Variants in XIRP2 observed in about 807,000 individuals in gnomAD.
XIRP2 encodes the protein xin actin-binding repeat-containing protein 2.
A neutral mutation model predicts 277.0 loss-of-function variants in XIRP2; 236 were observed. That is an observed-to-expected ratio of 0.85 (90% confidence interval 0.77 to 0.95). XIRP2 has a LOEUF of 0.95. Among genes scored for constraint, XIRP2 ranks in the 40% least tolerant of loss-of-function variants. The probability of loss-of-function intolerance (pLI) is 0.00; values close to 1 mark genes in which losing one functional copy is unlikely to be tolerated. For synonymous variants in XIRP2, 1,490 were observed against 1,416.5 expected, an observed-to-expected ratio of 1.05 and a Z score of -1.17; for missense variants, 4,640 against 4,157.5, an observed-to-expected ratio of 1.12 and a Z score of -3.19.
chr2:167,144,078 ACTT>A (rs1034792270), intron 3 of XIRP2, among the ~76,000 whole-genome samples: 8 of 152,042 alleles, frequency 5.3e-5, no homozygotes, highest in African/African-American at 9.7e-5. Flanking sequence ...TTTAAACCTA[ACTT>A]CTTATTTCTT....
intron 3 of XIRP2, among the ~76,000 whole-genome samples, chr2:167,144,804 A>T (rs1436459148): frequency 6.6e-6 from 1 of 152,140 alleles, no homozygotes; most frequent in Non-Finnish European, 1.5e-5. Flanking sequence ...CAATTGCTTC[A>T]TAGTTATATT....
intron 3 of XIRP2, among the ~76,000 whole-genome samples, chr2:167,161,031 G>A (rs538393893): frequency 6.6e-6 from 1 of 152,294 alleles, no homozygotes; most frequent in South Asian, 2.1e-4. Context: ...AAATCCAGCA[G>A]GGCAGTCAAG....
At chr2:167,127,527 G>A (rs901823354) in intron 2 of XIRP2, among the ~76,000 whole-genome samples, 5 of 152,144 alleles carry the variant, frequency 3.3e-5, no homozygotes, top group Admixed American at 2.0e-4. Context: ...ATGCCTGAGA[G>A]GTTTGTTTCA....
rs116574757 is a variant in XIRP2 at position 167,167,017 on chromosome 2, T to A, written c.562+30955T>A. Among the ~76,000 whole-genome samples the A allele has an allele frequency of 1.0e-3, 152 of 152,332 alleles. 1 individual carries two copies. Among genetic ancestry groups the A allele is most frequent in the African/African-American group, 3.3e-3 (138 of 41,580 alleles). On this transcript the variant is annotated intron_variant, in intron 3 of 10. Coordinates refer to ENST00000409195, the MANE Select transcript of XIRP2 (RefSeq NM_152381.6). ...TTGTGCCTCTCATAGTTTGATGCTC[T>A]ATTTTTAAGTATATACACATTAAAT...
intron 2 of XIRP2, among the ~76,000 whole-genome samples, chr2:167,032,411 A>C (rs1688389271): frequency 6.6e-6 from 1 of 152,180 alleles, no homozygotes; most frequent in Non-Finnish European, 1.5e-5. Flanking sequence ...TGACTAAAAC[A>C]CCAAAAGCAA....
At chr2:167,151,599 C>A (rs1305188422) in intron 3 of XIRP2, among the ~76,000 whole-genome samples, 1 of 152,122 alleles carries the variant, frequency 6.6e-6, no homozygotes, top group African/African-American at 2.4e-5. Context: ...TCTATGAATT[C>A]CCAACTTTTA....
chr2:166,907,053 G>T (rs944768774), intron 2 of XIRP2, among the ~76,000 whole-genome samples: 5 of 152,208 alleles, frequency 3.3e-5, no homozygotes, highest in Middle Eastern at 6.8e-3. Context: ...AAATCAGTGA[G>T]AAATTCTTAA....
At chr2:166,960,455 A>G (rs1191782252) in intron 2 of XIRP2, among the ~76,000 whole-genome samples, 2 of 151,596 alleles carry the variant, frequency 1.3e-5, no homozygotes, top group Non-Finnish European at 3.0e-5. Flanking sequence ...CCTTTTTGCA[A>G]CCCTCTGCTT....
chr2:166,919,001 C>G (rs1262323756), intron 2 of XIRP2, among the ~76,000 whole-genome samples: 1 of 152,040 alleles, frequency 6.6e-6, no homozygotes, highest in African/African-American at 2.4e-5. Flanking sequence ...AAATACTTAA[C>G]GTAATGTGCA....
chr2:166,898,780 C>T (rs1286697081), intron 1 of XIRP2, among the ~76,000 whole-genome samples: 3 of 152,076 alleles, frequency 2.0e-5, no homozygotes, highest in Non-Finnish European at 2.9e-5. Flanking sequence ...CACCCCAACA[C>T]GTCCCATCCA....
intron 2 of XIRP2, among the ~76,000 whole-genome samples, chr2:166,940,159 T>G (rs554768764): frequency 4.7e-4 from 71 of 152,324 alleles, no homozygotes; most frequent in African/African-American, 1.5e-3. Context: ...TTATTCTTTT[T>G]TCTCTAAACT....
At chr2:167,201,237 A>AG (rs1559018274) in intron 3 of XIRP2, among the ~76,000 whole-genome samples, 18 of 111,256 alleles carry the variant, frequency 1.6e-4, no homozygotes, top group African/African-American at 7.3e-4. Flanking sequence ...AAAGAAAGAA[A>AG]GAAAGAAAGA....
At chr2:166,935,792 T>G (rs1685479928) in intron 2 of XIRP2, among the ~76,000 whole-genome samples, 1 of 152,230 alleles carries the variant, frequency 6.6e-6, no homozygotes. Context: ...TGTGCCACAT[T>G]TTATTAATCC....
chr2:167,139,334 T>C (rs536237507), intron 3 of XIRP2, among the ~76,000 whole-genome samples: 146 of 152,258 alleles, frequency 9.6e-4, no homozygotes, highest in African/African-American at 3.3e-3. Context: ...TTTTTTAATA[T>C]GACAATTGCC....
intron 3 of XIRP2, among the ~76,000 whole-genome samples, chr2:167,184,993 C>T (rs189837058): frequency 7.9e-5 from 12 of 152,234 alleles, no homozygotes; most frequent in Non-Finnish European, 1.3e-4. Context: ...ATCCATCCAT[C>T]TACCCGTCAT....
At chr2:167,030,493 G>T (rs1319410009) in intron 2 of XIRP2, among the ~76,000 whole-genome samples, 5 of 152,114 alleles carry the variant, frequency 3.3e-5, no homozygotes, top group African/African-American at 1.2e-4. Flanking sequence ...TTCAGGAGCA[G>T]GTTGTTCAGT....
chr2:166,997,677 C>A (rs531852613), intron 2 of XIRP2, among the ~76,000 whole-genome samples: 8 of 152,166 alleles, frequency 5.3e-5, no homozygotes, highest in Admixed American at 1.3e-4. Flanking sequence ...GAGGCTGAGG[C>A]AGGTAGATCA....
chr2:167,217,749 T>C (rs953442194), intron 4 of XIRP2, among the ~76,000 whole-genome samples: 1 of 152,202 alleles, frequency 6.6e-6, no homozygotes, highest in Non-Finnish European at 1.5e-5. Context: ...GATTTTAAAA[T>C]TATTCTTAAT....
chr2:167,205,278 T>C (rs922886831), intron 3 of XIRP2, among the ~76,000 whole-genome samples: 3 of 152,190 alleles, frequency 2.0e-5, no homozygotes, highest in African/African-American at 7.2e-5. Context: ...CTTATGCTTT[T>C]TGTAGATAAC....
Sources: gnomAD v4.1 joint callset for allele counts (sites outside exome capture counted in the v4.1 genomes callset) on GRCh38, gnomAD v4.1.1 for gene constraint, MANE v1.5 for transcripts, NCBI Gene and HGNC (gene_info 2026-07-23, HGNC 2026-07-21) for gene names.